KCND2: variants seen among roughly 807,000 people sequenced by gnomAD.
The protein encoded by KCND2 is A-type voltage-gated potassium channel KCND2.
KCND2 carries 16 observed loss-of-function variants against 54.4 expected under a neutral mutation model. The ratio of observed to expected loss-of-function variants is 0.29; its 90% CI spans 0.20 to 0.45. The LOEUF (loss-of-function observed/expected upper bound fraction) is 0.45. KCND2 is among the 20% of genes least tolerant of loss of function. KCND2 has a pLI of 1.00. For synonymous variants in KCND2, 317 were observed against 310.7 expected, an observed-to-expected ratio of 1.02 and a Z score of -0.21; for missense variants, 486 against 824.2, an observed-to-expected ratio of 0.59 and a Z score of 5.02.
intron 1 of KCND2, among the ~76,000 whole-genome samples, chr7:120,296,663 C>G (rs1335790962): frequency 6.6e-6 from 1 of 152,040 alleles, no homozygotes; most frequent in Admixed American, 6.6e-5. Context: ...GGAAAGATCA[C>G]TTTAAATGCA....
chr7:120,554,851 T>G (rs1792144710), intron 1 of KCND2, among the ~76,000 whole-genome samples: 1 of 152,202 alleles, frequency 6.6e-6, no homozygotes, highest in Non-Finnish European at 1.5e-5. Context: ...TGCTGATTCC[T>G]CCACAGATGG....
At chr7:120,736,650 CT>C (rs2116158794) in intron 2 of KCND2, among the ~76,000 whole-genome samples, 1 of 151,886 alleles carries the variant, frequency 6.6e-6, no homozygotes, top group Non-Finnish European at 1.5e-5. Flanking sequence ...TTTAATAATA[CT>C]AATTGCAACA....
intron 1 of KCND2, among the ~76,000 whole-genome samples, chr7:120,673,182 C>T (rs1792016276): frequency 6.6e-6 from 1 of 152,098 alleles, no homozygotes; most frequent in Non-Finnish European, 1.5e-5. Context: ...GACTTCTCGT[C>T]TCCAGAGTTG....
At chr7:120,453,338 G>A (rs1802143968) in intron 1 of KCND2, among the ~76,000 whole-genome samples, 1 of 152,110 alleles carries the variant, frequency 6.6e-6, no homozygotes, top group Non-Finnish European at 1.5e-5. Context: ...GGACTCCAGA[G>A]ACCCTGTCCC....
intron 1 of KCND2, among the ~76,000 whole-genome samples, chr7:120,546,041 C>T (rs987530889): frequency 6.6e-6 from 1 of 151,742 alleles, no homozygotes; most frequent in African/African-American, 2.4e-5. Context: ...TAAATTAAAA[C>T]CTGCAAAACT....
chr7:120,558,483 C>A (rs1792192172), intron 1 of KCND2, among the ~76,000 whole-genome samples: 4 of 152,116 alleles, frequency 2.6e-5, no homozygotes, highest in Admixed American at 2.0e-4. Context: ...AACATTAATA[C>A]CTTATTTTCA....
intron 1 of KCND2, among the ~76,000 whole-genome samples, chr7:120,358,037 G>T (rs768159442): frequency 6.6e-6 from 1 of 152,110 alleles, no homozygotes; most frequent in Non-Finnish European, 1.5e-5. Context: ...CAGAAAATTG[G>T]AGTATGGTGG....
chr7:120,331,590 T>C (rs1339338347), intron 1 of KCND2, among the ~76,000 whole-genome samples: 2 of 152,192 alleles, frequency 1.3e-5, no homozygotes, highest in Non-Finnish European at 1.5e-5. Context: ...GCATATACCA[T>C]ATTAGCAGAA....
intron 1 of KCND2, among the ~76,000 whole-genome samples, chr7:120,319,470 C>T (rs1188397148): frequency 2.0e-5 from 3 of 151,978 alleles, no homozygotes; most frequent in Admixed American, 6.6e-5. Flanking sequence ...GAAATTTATT[C>T]ATACAGTAGA....
chr7:120,640,104 C>T (rs1485304633), intron 1 of KCND2, among the ~76,000 whole-genome samples: 1 of 152,090 alleles, frequency 6.6e-6, no homozygotes, highest in Non-Finnish European at 1.5e-5. Flanking sequence ...TTCCTTCCCT[C>T]TGTGGTTTTA....
intron 1 of KCND2, among the ~76,000 whole-genome samples, chr7:120,410,310 T>G (rs1801430328): frequency 6.6e-6 from 1 of 152,012 alleles, no homozygotes; most frequent in Admixed American, 6.6e-5. Context: ...TGTCTTTAAA[T>G]GAAATAATGT....
At chr7:120,733,090 A>G (rs1792827862) in intron 2 of KCND2, 25 bp downstream of exon 2, 8 of 1,612,072 alleles carry the variant, frequency 5.0e-6, no homozygotes, top group South Asian at 2.2e-5. Flanking sequence ...CCGTGCAACC[A>G]TGGTTTAGCA....
chr7:120,398,178 CACATAT>C (rs1299674511), intron 1 of KCND2, among the ~76,000 whole-genome samples: 2 of 149,840 alleles, frequency 1.3e-5, no homozygotes, highest in East Asian at 2.0e-4. Flanking sequence ...CACACACACA[CACATAT>C]ATATATATTT....
intron 1 of KCND2, among the ~76,000 whole-genome samples, chr7:120,692,518 T>C (rs1471277737): frequency 6.6e-6 from 1 of 152,150 alleles, no homozygotes; most frequent in Non-Finnish European, 1.5e-5. Context: ...TCCTCAACCT[T>C]GGCAGACTGG....
intron 1 of KCND2, among the ~76,000 whole-genome samples, chr7:120,647,583 C>T (rs1399943076): frequency 6.6e-6 from 1 of 152,148 alleles, no homozygotes; most frequent in African/African-American, 2.4e-5. Context: ...CAGGTTGATA[C>T]AGCAAGAGTT....
chr7:120,498,022 A>G (rs1251650050), intron 1 of KCND2, among the ~76,000 whole-genome samples: 1 of 152,224 alleles, frequency 6.6e-6, no homozygotes, highest in African/African-American at 2.4e-5. Flanking sequence ...TGATTTTTGC[A>G]ATTTGTAATA....
intron 1 of KCND2, among the ~76,000 whole-genome samples, chr7:120,548,868 G>A (rs1792073761): frequency 6.6e-6 from 1 of 152,112 alleles, no homozygotes; most frequent in Non-Finnish European, 1.5e-5. Flanking sequence ...GGCTGACAAG[G>A]CAGATGCTGA....
intron 1 of KCND2, among the ~76,000 whole-genome samples, chr7:120,540,293 A>T (rs1028710974): frequency 6.6e-6 from 1 of 152,192 alleles, no homozygotes; most frequent in African/African-American, 2.4e-5. Flanking sequence ...ATGATATAAA[A>T]TTATTAAAAT....
rs1210276649 is a variant in KCND2, at chr7:120,275,763, G to C, written c.1115+16G>C. 1 of 1,599,730 alleles carries C rather than the reference G, an allele frequency of 6.3e-7. No individual in the cohort carries two copies. Among genetic ancestry groups the C allele is most frequent in the Non-Finnish European group, 8.5e-7 (1 of 1,179,884 alleles). On this transcript the variant is annotated intron_variant, in intron 1 of 5. Coordinates refer to ENST00000331113, the MANE Select transcript of KCND2 (RefSeq NM_012281.3). ...CAACACTAGGGTAGGTGCCATAATG[G>C]GAAATGGGATGGAGGTTGGGTATGG...
Sources: allele counts gnomAD v4.1 joint callset (sites outside exome capture counted in the v4.1 genomes callset), GRCh38; gene constraint gnomAD v4.1.1; transcripts MANE v1.5; gene names NCBI Gene and HGNC (gene_info 2026-07-23, HGNC 2026-07-21).